The following SLC35F4 variants were observed in gnomAD, a reference collection of about 807,000 sequenced individuals.
SLC35F4 encodes the protein solute carrier family 35 member F4, also known as chromosome 14 open reading frame 36.
A neutral mutation model predicts 44.2 loss-of-function variants in SLC35F4; 24 were observed. That is an observed-to-expected ratio of 0.54 (90% CI 0.39 to 0.76). The LOEUF (loss-of-function observed/expected upper bound fraction) is 0.76, where lower values mean the gene tolerates loss of function less well. SLC35F4 is among the 30% of genes least tolerant of loss of function. The pLI is 0.00. For missense variants in SLC35F4, 562 were observed against 586.1 expected (o/e 0.96, Z 0.42); for synonymous variants, 238 against 223.6 (o/e 1.06, Z -0.57).
intron 1 of SLC35F4, among the ~76,000 whole-genome samples, chr14:57,709,334 A>G (rs577937940): frequency 7.9e-4 from 121 of 152,258 alleles, no homozygotes; most frequent in Non-Finnish European, 1.6e-3. Flanking sequence ...GCATAACAGA[A>G]GGCTCGCACT....
chr14:57,661,627 T>C (rs1481498845), intron 1 of SLC35F4, among the ~76,000 whole-genome samples: 1 of 152,174 alleles, frequency 6.6e-6, no homozygotes, highest in African/African-American at 2.4e-5. Flanking sequence ...ATATCAAGCT[T>C]GTAGCTACTG....
intron 1 of SLC35F4, chr14:57,597,001 C>A: frequency 1.0e-5 from 7 of 703,430 alleles, no homozygotes; most frequent in Non-Finnish European, 1.4e-5. Context: ...TATCTCCAAT[C>A]CTGGAAGCGA....
At chr14:57,699,116 C>T (rs1047606532) in intron 1 of SLC35F4, among the ~76,000 whole-genome samples, 1 of 152,098 alleles carries the variant, frequency 6.6e-6, no homozygotes, top group Non-Finnish European at 1.5e-5. Context: ...ACCATATAGA[C>T]ATTTTATGAA....
At chr14:57,953,636 T>A (rs1834198524) in intron 1 of SLC35F4, among the ~76,000 whole-genome samples, 1 of 152,126 alleles carries the variant, frequency 6.6e-6, no homozygotes, top group Non-Finnish European at 1.5e-5. Context: ...TCCTAGTCTC[T>A]GATAAAACAG....
chr14:57,818,704 G>A (rs895378909), intron 1 of SLC35F4, among the ~76,000 whole-genome samples: 2 of 152,174 alleles, frequency 1.3e-5, no homozygotes, highest in Non-Finnish European at 2.9e-5. Context: ...CACTGACCAA[G>A]CAAACAACTT....
chr14:57,830,447 A>T (rs1456936309), intron 1 of SLC35F4, among the ~76,000 whole-genome samples: 1 of 152,226 alleles, frequency 6.6e-6, no homozygotes, highest in Non-Finnish European at 1.5e-5. Context: ...TCTAAGAGTA[A>T]CTTAGAATAT....
chr14:57,627,150 C>A (rs957782017), intron 1 of SLC35F4, among the ~76,000 whole-genome samples: 1 of 152,054 alleles, frequency 6.6e-6, no homozygotes, highest in Non-Finnish European at 1.5e-5. Flanking sequence ...TTAGCCTTGT[C>A]AACTGGAAGT....
At chr14:57,647,557 T>C (rs2073590546) in intron 1 of SLC35F4, among the ~76,000 whole-genome samples, 1 of 152,150 alleles carries the variant, frequency 6.6e-6, no homozygotes, top group African/African-American at 2.4e-5. Flanking sequence ...AACCCCTTAA[T>C]GTTTCAGTCC....
At chr14:57,840,211 C>T (rs893848728) in intron 1 of SLC35F4, among the ~76,000 whole-genome samples, 5 of 152,106 alleles carry the variant, frequency 3.3e-5, no homozygotes, top group Admixed American at 1.3e-4. Context: ...AAAATAAATG[C>T]TTTTCACAGC....
intron 1 of SLC35F4, chr14:57,629,901 C>A (rs2072680864): frequency 6.7e-6 from 3 of 446,186 alleles, no homozygotes; most frequent in Middle Eastern, 8.3e-4. Flanking sequence ...CACACCACCA[C>A]CATGTCCTGC....
chr14:57,814,084 A>G (rs1256121165), intron 1 of SLC35F4, among the ~76,000 whole-genome samples: 7 of 152,182 alleles, frequency 4.6e-5, no homozygotes, highest in Non-Finnish European at 1.0e-4. Context: ...GAACTTTAAC[A>G]TGTTCATCTG....
intron 1 of SLC35F4, among the ~76,000 whole-genome samples, chr14:57,790,508 A>G (rs2077889703): frequency 6.6e-6 from 1 of 152,144 alleles, no homozygotes; most frequent in Non-Finnish European, 1.5e-5. Context: ...ATAGAAAAAC[A>G]TTTCATGCTC....
intron 1 of SLC35F4, among the ~76,000 whole-genome samples, chr14:57,832,319 A>G (rs537577610): frequency 6.6e-6 from 1 of 152,262 alleles, no homozygotes; most frequent in East Asian, 1.9e-4. Context: ...CAGATAAATT[A>G]TTAACACTTT....
rs188724087 is a variant in SLC35F4, at chr14:57,840,608, A to G, written c.103+25115T>C. ...GGCTCTCAAAATCTGAGTACCTCTCATCCTCGTTCATTTTAAAGAGCTAAA... is the reference window on the plus strand; with the variant it reads ...GGCTCTCAAAATCTGAGTACCTCTCGTCCTCGTTCATTTTAAAGAGCTAAA... On this transcript the variant is annotated intron_variant, in intron 1 of 7. Coordinates refer to ENST00000556826, the MANE Select transcript of SLC35F4 (RefSeq NM_001306087.2). 2.0e-4 allele frequency among the ~76,000 whole-genome samples: 31 copies of G among 152,304 alleles called. 1 individual carries two copies. In the East Asian group the frequency reaches 6.0e-3, roughly 29 times the overall value.
chr14:57,902,689 A>G (rs1162447177), intron 1 of SLC35F4, among the ~76,000 whole-genome samples: 1 of 152,226 alleles, frequency 6.6e-6, no homozygotes, highest in Non-Finnish European at 1.5e-5. Flanking sequence ...CATTAACTGT[A>G]GCAATAAATG....
chr14:57,903,578 T>C (rs1299861109), intron 1 of SLC35F4, among the ~76,000 whole-genome samples: 1 of 152,186 alleles, frequency 6.6e-6, no homozygotes, highest in Non-Finnish European at 1.5e-5. Context: ...TCAAGATCCA[T>C]CATCAGATAT....
intron 1 of SLC35F4, among the ~76,000 whole-genome samples, chr14:57,864,172 T>C (rs1314358285): frequency 1.3e-5 from 2 of 152,216 alleles, no homozygotes; most frequent in African/African-American, 4.8e-5. Flanking sequence ...TAAAATCCCA[T>C]GGTTCCTAAT....
rs1890037452 is a variant in SLC35F4 at position 57,946,651 on chromosome 14, T to C, written n.282+35262A>G. Among the ~76,000 whole-genome samples, 3 of 151,908 alleles carry C rather than the reference T, an allele frequency of 2.0e-5. 1 individual carries two copies. In the South Asian group the frequency reaches 6.3e-4, roughly 32 times the overall value. ...CACCATGCCTGGCTAATTTTTTGTA[T>C]TTTTAGTAGAGATAGGGTTTCACCA... On this transcript the variant is annotated intron_variant and non_coding_transcript_variant, in intron 1 of 1. Coordinates refer to the SLC35F4 transcript ENST00000556568.
At chr14:57,976,530 T>C (rs1182276831), downstream of SLC35F4, among the ~76,000 whole-genome samples, 1 of 152,226 alleles carries the variant, frequency 6.6e-6, no homozygotes, top group African/African-American at 2.4e-5. Context: ...CCAAGCGGAC[T>C]TGCAGAACTT....
Sources: allele counts gnomAD v4.1 joint callset (sites outside exome capture counted in the v4.1 genomes callset), GRCh38; gene constraint gnomAD v4.1.1; transcripts MANE v1.5; gene names NCBI Gene and HGNC (gene_info 2026-07-23, HGNC 2026-07-21).